The following CCDC148 variants were observed in gnomAD, a reference collection of about 807,000 sequenced individuals.
CCDC148 encodes coiled-coil domain containing 148.
A neutral mutation model predicts 85.7 loss-of-function variants in CCDC148; 89 were observed. The observed-to-expected ratio is 1.04, with a 90% CI of 0.87 to 1.24. The LOEUF (loss-of-function observed/expected upper bound fraction) is 1.24, where lower values mean the gene tolerates loss of function less well. Ranked by LOEUF, CCDC148 falls within the 50% of genes most tolerant of loss-of-function variation. The pLI is 0.00. For missense variants in CCDC148, 692 were observed against 671.7 expected (o/e 1.03, Z -0.33); for synonymous variants, 230 against 213.9 (o/e 1.08, Z -0.66).
At chr2:158,437,944 A>G (rs1175218446) in intron 1 of CCDC148, among the ~76,000 whole-genome samples, 1 of 152,222 alleles carries the variant, frequency 6.6e-6, no homozygotes, top group East Asian at 1.9e-4. Context: ...TTCAAGGAGA[A>G]CTACAAACCA....
Position 158,178,947 on chromosome 2 carries a change from C to G in CCDC148, c.1420G>C (p.Glu474Gln). The stretch of plus-strand genomic sequence containing the variant: ...TCATGAGCTTCTTGAAGGGCCACTT[C>G]CTTTTTCTCCATCAAACGCCTTTCC... ...LLERRLMEKK[E>Q]VALQEAHEDK... The change falls in exon 12 of 14, where the codon GAA becomes CAA. Residue 474 changes from glutamate (E) to glutamine (Q), a missense_variant. Transcript: ENST00000283233. 6.2e-7 allele frequency: 1 copy of G among 1,613,596 alleles called. No individual in the cohort carries two copies. Among genetic ancestry groups the G allele is most frequent in the Non-Finnish European group, 8.5e-7 (1 of 1,179,772 alleles).
At chr2:158,190,739 G>A (rs1685385882) in intron 11 of CCDC148, among the ~76,000 whole-genome samples, 1 of 151,972 alleles carries the variant, frequency 6.6e-6, no homozygotes. Context: ...TCATAACATT[G>A]GAACCTTTCT....
At chr2:158,403,510 T>G (rs1395103060) in intron 1 of CCDC148, among the ~76,000 whole-genome samples, 1 of 152,130 alleles carries the variant, frequency 6.6e-6, no homozygotes, top group East Asian at 1.9e-4. Flanking sequence ...TTAGAGCTAC[T>G]GACCTTTATA....
At chr2:158,265,164 G>A (rs974946965) in intron 9 of CCDC148, among the ~76,000 whole-genome samples, 2 of 152,046 alleles carry the variant, frequency 1.3e-5, no homozygotes, top group African/African-American at 4.8e-5. Context: ...AAGCATGATG[G>A]TGTGAATCTA....
intron 11 of CCDC148, among the ~76,000 whole-genome samples, chr2:158,182,929 A>C (rs943436798): frequency 6.6e-6 from 1 of 152,162 alleles, no homozygotes; most frequent in Non-Finnish European, 1.5e-5. Flanking sequence ...CCACATAAAT[A>C]CTTTTAGCCA....
chr2:158,205,357 G>C (rs1018971308), intron 11 of CCDC148, among the ~76,000 whole-genome samples: 2 of 152,138 alleles, frequency 1.3e-5, no homozygotes, highest in Non-Finnish European at 2.9e-5. Flanking sequence ...AGGGTGGAGA[G>C]AGCAATGAAT....
At chr2:158,238,146 G>A (rs902891493) in intron 10 of CCDC148, among the ~76,000 whole-genome samples, 2 of 152,086 alleles carry the variant, frequency 1.3e-5, no homozygotes, top group Non-Finnish European at 2.9e-5. Context: ...GGGCATGTGG[G>A]ATCAAGGGAG....
At chr2:158,424,899 C>G (rs754183481) in intron 1 of CCDC148, 3 of 265,818 alleles carry the variant, frequency 1.1e-5, no homozygotes, top group Non-Finnish European at 2.3e-5. Context: ...AGATGAAGAG[C>G]CAGTAACGAA....
chr2:158,179,685 A>C (rs539112748), intron 11 of CCDC148, among the ~76,000 whole-genome samples: 1 of 152,236 alleles, frequency 6.6e-6, no homozygotes, highest in Non-Finnish European at 1.5e-5. Flanking sequence ...TAAATATACA[A>C]ATTTTTAGAA....
intron 9 of CCDC148, among the ~76,000 whole-genome samples, chr2:158,284,537 C>G (rs1690523032): frequency 6.6e-6 from 1 of 152,086 alleles, no homozygotes; most frequent in South Asian, 2.1e-4. Flanking sequence ...GGGAGGAGGA[C>G]AGGGCTTTGG....
At chr2:158,327,360 A>T (rs960037375) in intron 7 of CCDC148, among the ~76,000 whole-genome samples, 3 of 152,188 alleles carry the variant, frequency 2.0e-5, no homozygotes, top group African/African-American at 7.2e-5. Context: ...TTAAGCAAAA[A>T]ATAGTTTATG....
chr2:158,173,487 T>C (rs1307934177), intron 13 of CCDC148, among the ~76,000 whole-genome samples: 1 of 151,986 alleles, frequency 6.6e-6, no homozygotes, highest in Non-Finnish European at 1.5e-5. Context: ...TAAATTAAGG[T>C]GGCAGGGAAA....
At chr2:158,301,160 G>C (rs1691423184) in intron 9 of CCDC148, among the ~76,000 whole-genome samples, 1 of 152,116 alleles carries the variant, frequency 6.6e-6, no homozygotes, top group Non-Finnish European at 1.5e-5. Context: ...TGCCTGGCCT[G>C]AATTGAATTT....
At chr2:158,360,033 C>T (rs920914809) in intron 1 of CCDC148, among the ~76,000 whole-genome samples, 2 of 152,210 alleles carry the variant, frequency 1.3e-5, no homozygotes. Context: ...GGCGGTTTCC[C>T]CCTCACAGTG....
At chr2:158,290,150 C>G (rs866996506) in intron 9 of CCDC148, among the ~76,000 whole-genome samples, 17 of 152,086 alleles carry the variant, frequency 1.1e-4, no homozygotes, top group South Asian at 8.3e-4. Context: ...GTGAGGCACA[C>G]AGGAGAGGGA....
chr2:158,210,315 G>T (rs913181744), intron 11 of CCDC148, among the ~76,000 whole-genome samples: 1 of 152,036 alleles, frequency 6.6e-6, no homozygotes, highest in Non-Finnish European at 1.5e-5. Flanking sequence ...CATAAAGCAA[G>T]TTCTTAGAGA....
chr2:158,329,608 C>T (rs1037584065), intron 7 of CCDC148, among the ~76,000 whole-genome samples: 5 of 151,952 alleles, frequency 3.3e-5, no homozygotes, highest in African/African-American at 1.2e-4. Flanking sequence ...GGCAGTATGG[C>T]CATTTTCACG....
intron 1 of CCDC148, chr2:158,366,160 A>G: frequency 9.4e-7 from 1 of 1,059,502 alleles, no homozygotes. Context: ...GTATTTTTAA[A>G]AGTAAGACCC....
Position 158,205,336 on chromosome 2 carries a change from G to A in CCDC148, c.1370+15259C>T, listed in dbSNP as rs190802192. On this transcript the variant is annotated intron_variant, in intron 11 of 13. Coordinates refer to ENST00000283233, the MANE Select transcript of CCDC148 (RefSeq NM_138803.4). ...TGTCATTTACAGAAAAGGGAATGCT[G>A]GAGGAAGAACAGGGTGGAGAGAGCA... Among the ~76,000 whole-genome samples, 20 of 152,230 alleles carry A rather than the reference G, an allele frequency of 1.3e-4. No homozygotes were observed. In the East Asian group the frequency reaches 3.5e-3, roughly 27 times the overall value.
Sources: gnomAD v4.1 joint callset for allele counts (sites outside exome capture counted in the v4.1 genomes callset) on GRCh38, gnomAD v4.1.1 for gene constraint, MANE v1.5 for transcripts, NCBI Gene and HGNC (gene_info 2026-07-23, HGNC 2026-07-21) for gene names.